Variants in PALLD observed in about 807,000 individuals in gnomAD.
PALLD encodes palladin, cytoskeletal associated protein, also known as palladin.
Under a neutral mutation model 123.5 loss-of-function variants are expected in PALLD, and 61 were observed. The observed-to-expected ratio is 0.49, with a 90% confidence interval of 0.40 to 0.61. PALLD has a LOEUF of 0.61. Ranked by LOEUF, PALLD falls within the 20% of genes least tolerant of loss-of-function variation. The probability of loss-of-function intolerance (pLI) is 0.00; values close to 1 mark genes in which losing one functional copy is unlikely to be tolerated. For synonymous variants in PALLD, 465 were observed against 496.4 expected, an observed-to-expected ratio of 0.94 and a Z score of 0.84; for missense variants, 1,273 against 1,377.0, an observed-to-expected ratio of 0.92 and a Z score of 1.20.
At chr4:168,816,415 T>TATATA (rs35097396) in intron 10 of PALLD, among the ~76,000 whole-genome samples, 5,636 of 135,648 alleles carry the variant, frequency 0.042, 135 homozygotes, top group Middle Eastern at 0.14. Context: ...ATATATATAT[T>TATATA]TTTTTTAAGT....
At chr4:168,676,770 G>A (rs1780889509) in intron 3 of PALLD, among the ~76,000 whole-genome samples, 1 of 150,626 alleles carries the variant, frequency 6.6e-6, no homozygotes, top group Non-Finnish European at 1.5e-5. Context: ...TAGTAGAGAT[G>A]GGGTTTCACC....
chr4:168,823,969 C>G (rs1403433014), intron 10 of PALLD, among the ~76,000 whole-genome samples: 1 of 152,196 alleles, frequency 6.6e-6, no homozygotes, highest in Non-Finnish European at 1.5e-5. Context: ...GGAACAATGA[C>G]ACCAAAGTTA....
chr4:168,707,066 T>G (rs183046778), intron 8 of PALLD, among the ~76,000 whole-genome samples: 1 of 152,316 alleles, frequency 6.6e-6, no homozygotes, highest in Non-Finnish European at 1.5e-5. Context: ...ACAAAAATGT[T>G]TTTTTTAAAC....
chr4:168,506,235 A>T (rs12648051), intron 1 of PALLD: 2 of 152,180 alleles, frequency 1.3e-5, no homozygotes, highest in East Asian at 3.9e-4. Flanking sequence ...TCCTTCTTAC[A>T]AAACTTCCTT....
chr4:168,926,485 T>A lies in PALLD; in HGVS notation c.*305T>A. 1 of 711,604 alleles carries A rather than the reference T, an allele frequency of 1.4e-6. No homozygotes were observed. The highest frequency in any genetic ancestry group is 2.0e-6 in the Non-Finnish European group (1 of 493,688). The allele number at this position is 711,604 out of a possible 1,614,324, so 44.1% of individuals were successfully genotyped here. On this transcript the variant is annotated 3_prime_UTR_variant, in exon 22 of 22. Coordinates refer to ENST00000505667, the MANE Select transcript of PALLD (RefSeq NM_001166108.2). The stretch of plus-strand genomic sequence containing the variant: ...TAAAAGGCAGAAACATACCTTTGAC[T>A]ATAAGAAATTAAAAAAAAAACACCA...
chr4:168,868,086 A>G (rs1184717809), intron 10 of PALLD, among the ~76,000 whole-genome samples: 1 of 152,020 alleles, frequency 6.6e-6, no homozygotes, highest in Non-Finnish European at 1.5e-5. Flanking sequence ...ATGGCCAGGA[A>G]CTCTAGGTGA....
In PALLD at chr4:168,500,344, CA is replaced by C. The variant is rs994404612; in HGVS notation, c.-83+3151del. Among the ~76,000 whole-genome samples the C allele has an allele frequency of 3.3e-5, 5 of 151,764 alleles. No homozygotes were observed. The East Asian group carries it at 7.8e-4, about 24-fold the overall frequency. ...GTGCCTTGATTCATGGGGATCATGCCAGGGGGTGGTCCCATAAGTCTTGTTT... is the reference window on the plus strand; with the variant it reads ...GTGCCTTGATTCATGGGGATCATGCCGGGGGTGGTCCCATAAGTCTTGTTT... On this transcript the variant is annotated intron_variant, in intron 1 of 21. Transcript: ENST00000505667.
rs919591748 is a variant in PALLD at position 168,902,834 on chromosome 4, T to C, written c.2473-923T>C. On this transcript the variant is annotated intron_variant, in intron 14 of 21. Coordinates refer to ENST00000505667, the MANE Select transcript of PALLD (RefSeq NM_001166108.2). ...TCACCTAGGCTGGAGTGCAATGGCA[T>C]GATCATGGCTCACTACAGCCTCAAC... 2.6e-5 allele frequency among the ~76,000 whole-genome samples: 4 copies of C among 152,316 alleles called. No individual in the cohort carries two copies. The East Asian group carries it at 5.8e-4, about 22-fold the overall frequency.
rs547687970 is a variant in PALLD, at chr4:168,906,971, C to T, written c.2622+3065C>T. 9.9e-5 allele frequency among the ~76,000 whole-genome samples: 15 copies of T among 152,254 alleles called. No homozygotes were observed. The South Asian group carries it at 1.7e-3, about 17-fold the overall frequency. ...ATACTGAAAAAACCTAGGATGAGGC[C>T]GGCAGGCCATGCAGTACAGGGGTTA... On this transcript the variant is annotated intron_variant, in intron 15 of 21. Transcript: ENST00000505667.
At chr4:168,677,255 C>A (rs1046456378) in intron 3 of PALLD, among the ~76,000 whole-genome samples, 1 of 150,228 alleles carries the variant, frequency 6.7e-6, no homozygotes, top group Admixed American at 6.7e-5. Flanking sequence ...GCGGGAGAAT[C>A]GCCCTGAGGG....
chr4:168,683,160 G>T, intron 5 of PALLD, 57 bp downstream of exon 5: 2 of 934,340 alleles, frequency 2.1e-6, no homozygotes, highest in East Asian at 2.4e-5. Context: ...CAAACTTGTG[G>T]ATTTTAAGAA....
At chr4:168,741,633 A>G (rs947872417) in intron 10 of PALLD, among the ~76,000 whole-genome samples, 8 of 152,142 alleles carry the variant, frequency 5.3e-5, no homozygotes, top group African/African-American at 1.9e-4. Context: ...GCAGTGAGCT[A>G]TGATTGTGTC....
intron 10 of PALLD, among the ~76,000 whole-genome samples, chr4:168,766,995 A>G (rs1025470288): frequency 6.6e-6 from 1 of 152,134 alleles, no homozygotes; most frequent in Non-Finnish European, 1.5e-5. Flanking sequence ...GATACTGTAA[A>G]TCTTCCTTTT....
chr4:168,571,244 T>G (rs1011973743), intron 2 of PALLD, among the ~76,000 whole-genome samples: 2 of 152,202 alleles, frequency 1.3e-5, no homozygotes, highest in Non-Finnish European at 2.9e-5. Flanking sequence ...CCACATGCTC[T>G]AAAACTTACC....
intron 2 of PALLD, among the ~76,000 whole-genome samples, chr4:168,527,269 A>G (rs1764142310): frequency 6.6e-6 from 1 of 151,922 alleles, no homozygotes; most frequent in South Asian, 2.1e-4. Context: ...CTAAAAATAC[A>G]AAATTAGCCA....
intron 2 of PALLD, among the ~76,000 whole-genome samples, chr4:168,600,106 C>CATAT (rs200601454): frequency 2.7e-5 from 4 of 149,526 alleles, no homozygotes; most frequent in African/African-American, 9.8e-5. Context: ...TGTATGCACA[C>CATAT]ATATATATAC....
At chr4:168,644,287 C>T (rs191157822) in intron 2 of PALLD, among the ~76,000 whole-genome samples, 3 of 152,010 alleles carry the variant, frequency 2.0e-5, no homozygotes, top group Admixed American at 2.0e-4. Flanking sequence ...GGGGTTTCAA[C>T]ATGTTGGCCA....
intron 10 of PALLD, among the ~76,000 whole-genome samples, chr4:168,715,192 A>C (rs1488921794): frequency 6.6e-6 from 1 of 152,036 alleles, no homozygotes; most frequent in African/African-American, 2.4e-5. Flanking sequence ...GGTACCTCTC[A>C]TAAAGTGGGG....
intron 2 of PALLD, among the ~76,000 whole-genome samples, chr4:168,573,293 A>G (rs1328004633): frequency 6.7e-6 from 1 of 149,898 alleles, no homozygotes; most frequent in Non-Finnish European, 1.5e-5. Flanking sequence ...ATTTCTTTCT[A>G]CCCCATTGCC....
Sources: gnomAD v4.1 joint callset for allele counts (sites outside exome capture counted in the v4.1 genomes callset) on GRCh38, gnomAD v4.1.1 for gene constraint, MANE v1.5 for transcripts, NCBI Gene and HGNC (gene_info 2026-07-23, HGNC 2026-07-21) for gene names.